Variants in HTR4 observed in about 807,000 individuals in gnomAD.
HTR4 encodes 5-hydroxytryptamine receptor 4.
Under a neutral mutation model 36.8 loss-of-function variants are expected in HTR4, and 16 were observed. That is an observed-to-expected ratio of 0.43 (90% CI 0.29 to 0.66). The LOEUF (loss-of-function observed/expected upper bound fraction) is 0.66, where lower values mean the gene tolerates loss of function less well. Ranked by LOEUF, HTR4 falls within the 30% of genes least tolerant of loss-of-function variation. The pLI is 0.13. For missense variants in HTR4, 438 were observed against 490.9 expected, an observed-to-expected ratio of 0.89 and a Z score of 1.02; for synonymous variants, 189 against 185.1, an observed-to-expected ratio of 1.02 and a Z score of -0.17.
chr5:148,481,164 A>AG (rs1365780295), downstream of HTR4, among the ~76,000 whole-genome samples: 5 of 152,210 alleles, frequency 3.3e-5, no homozygotes, highest in Non-Finnish European at 5.9e-5. Flanking sequence ...GGAGCCCAGA[A>AG]GCTGGCTGCT....
chr5:148,466,463 T>C (rs1257366384), intron 5 of HTR4, among the ~76,000 whole-genome samples: 1 of 152,140 alleles, frequency 6.6e-6, no homozygotes, highest in Non-Finnish European at 1.5e-5. Flanking sequence ...AAATAGCACG[T>C]TTTCAGATAA....
chr5:148,499,395 A>T (rs1234296071), intron 6 of HTR4, among the ~76,000 whole-genome samples: 1 of 152,206 alleles, frequency 6.6e-6, no homozygotes, highest in Admixed American at 6.6e-5. Context: ...AGGTATGCCT[A>T]TAAAATTGTA....
chr5:148,522,462 C>T (rs1758067787), intron 5 of HTR4, among the ~76,000 whole-genome samples: 1 of 152,122 alleles, frequency 6.6e-6, no homozygotes, highest in African/African-American at 2.4e-5. Flanking sequence ...CCTGGGTTTT[C>T]TCATCTGAGA....
intron 4 of HTR4, among the ~76,000 whole-genome samples, chr5:148,526,506 T>C (rs552384128): frequency 2.0e-5 from 3 of 152,212 alleles, no homozygotes; most frequent in Non-Finnish European, 4.4e-5. Context: ...AAAGAGCAGA[T>C]TTCAGAAATT....
rs1460901079 is a variant in HTR4, at chr5:148,576,120, A to ACAAACAAAC, written c.27-25859_27-25858insGTTTGTTTG. ...AGCGAGACTCCGTCTCAAAAAAAAA[A>ACAAACAAAC]AAAAAAAAAAAAACAAAATCAATGT... On this transcript the variant is annotated intron_variant, in intron 2 of 6. Coordinates refer to ENST00000377888, the MANE Select transcript of HTR4 (RefSeq NM_000870.7). Among the ~76,000 whole-genome samples, 287 of 130,846 alleles carry ACAAACAAAC rather than the reference A, an allele frequency of 2.2e-3. 8 individuals are homozygous for ACAAACAAAC. The highest frequency in any genetic ancestry group is 7.8e-3 in the African/African-American group (273 of 35,084). 85.8% of individuals were successfully genotyped at this position (130,846 alleles called of 152,430 possible). A position where few individuals can be genotyped will look rare whatever the true frequency, so the allele number is the denominator to read the frequency against.
intron 4 of HTR4, among the ~76,000 whole-genome samples, chr5:148,527,860 C>G (rs138977050): frequency 1.3e-5 from 2 of 152,150 alleles, no homozygotes; most frequent in Non-Finnish European, 2.9e-5. Flanking sequence ...GTGATTCACC[C>G]GCCTTAGTCT....
chr5:148,585,416 C>T (rs538260788), intron 2 of HTR4, among the ~76,000 whole-genome samples: 1 of 152,292 alleles, frequency 6.6e-6, no homozygotes, highest in South Asian at 2.1e-4. Flanking sequence ...TCCTAGAACG[C>T]TAAAGCTAGA....
chr5:148,568,849 G>T (rs548521227), intron 2 of HTR4, among the ~76,000 whole-genome samples: 1 of 152,124 alleles, frequency 6.6e-6, no homozygotes, highest in Admixed American at 6.6e-5. Flanking sequence ...CATGTAGAAG[G>T]TTGTGTGTTG....
intron 2 of HTR4, among the ~76,000 whole-genome samples, chr5:148,621,676 A>G (rs2127293889): frequency 6.6e-6 from 1 of 152,104 alleles, no homozygotes; most frequent in African/African-American, 2.4e-5. Flanking sequence ...TCCTAACAGC[A>G]CTCTTCAAAT....
intron 5 of HTR4, among the ~76,000 whole-genome samples, chr5:148,462,756 C>T (rs1035131382): frequency 6.6e-6 from 1 of 152,076 alleles, no homozygotes; most frequent in Non-Finnish European, 1.5e-5. Context: ...ATGCAAAAAT[C>T]ATCAACAAGA....
intron 6 of HTR4, among the ~76,000 whole-genome samples, chr5:148,507,286 A>C (rs1464367244): frequency 6.7e-6 from 1 of 148,676 alleles, no homozygotes; most frequent in African/African-American, 2.5e-5. Flanking sequence ...AAAAAACCAA[A>C]CGCCGCATAT....
chr5:148,565,106 T>G (rs1227437106), intron 2 of HTR4, among the ~76,000 whole-genome samples: 1 of 123,138 alleles, frequency 8.1e-6, no homozygotes, highest in African/African-American at 3.7e-5. Context: ...TGAGACTCCA[T>G]CTAAAAAAAA....
At chr5:148,539,721 AC>A (rs2113829854) in intron 4 of HTR4, among the ~76,000 whole-genome samples, 1 of 152,328 alleles carries the variant, frequency 6.6e-6, no homozygotes, top group Non-Finnish European at 1.5e-5. Context: ...TCAAAAAATG[AC>A]ACATGCTGGC....
At chr5:148,600,745 T>C (rs1057432942) in intron 2 of HTR4, among the ~76,000 whole-genome samples, 8 of 151,858 alleles carry the variant, frequency 5.3e-5, no homozygotes, top group Non-Finnish European at 1.2e-4. Context: ...GAAAAGATCT[T>C]TGACTTTAGT....
intron 5 of HTR4, among the ~76,000 whole-genome samples, chr5:148,468,526 C>T (rs1304802049): frequency 1.3e-5 from 2 of 152,172 alleles, no homozygotes; most frequent in African/African-American, 4.8e-5. Context: ...GAAGGGAGGT[C>T]TTCTTGTCCC....
At chr5:148,543,696 A>G (rs771615229) in intron 4 of HTR4, among the ~76,000 whole-genome samples, 3 of 152,186 alleles carry the variant, frequency 2.0e-5, no homozygotes, top group Non-Finnish European at 4.4e-5. Context: ...ATTTTCTACA[A>G]TGCTCAGGTA....
chr5:148,621,250 T>C (rs1053750069), intron 2 of HTR4, among the ~76,000 whole-genome samples: 1 of 152,202 alleles, frequency 6.6e-6, no homozygotes, highest in African/African-American at 2.4e-5. Flanking sequence ...CTTCTATGTA[T>C]AACCAAGACA....
intron 2 of HTR4, among the ~76,000 whole-genome samples, chr5:148,634,139 T>C (rs564201796): frequency 5.9e-5 from 9 of 152,190 alleles, no homozygotes; most frequent in Non-Finnish European, 1.3e-4. Flanking sequence ...ACTCTGTCTC[T>C]TGACATCTGG....
chr5:148,643,123 A>G (rs1398388991), intron 1 of HTR4, among the ~76,000 whole-genome samples: 1 of 152,230 alleles, frequency 6.6e-6, no homozygotes. Flanking sequence ...CAATTCCATT[A>G]TAATTGAAAT....
Sources: gnomAD v4.1 joint callset for allele counts (sites outside exome capture counted in the v4.1 genomes callset) on GRCh38, gnomAD v4.1.1 for gene constraint, MANE v1.5 for transcripts, NCBI Gene and HGNC (gene_info 2026-07-23, HGNC 2026-07-21) for gene names.